Variants in CPEB1 observed in about 807,000 individuals in gnomAD.
CPEB1 encodes cytoplasmic polyadenylation element binding protein 1.
Under a neutral mutation model 65.8 loss-of-function variants are expected in CPEB1, and 7 were observed. The observed-to-expected ratio is 0.11, with a 90% CI of 0.06 to 0.20. The LOEUF is 0.20. Ranked by LOEUF, CPEB1 falls within the 10% of genes least tolerant of loss-of-function variation. The pLI, the probability that CPEB1 is intolerant of heterozygous loss-of-function variation, is 1.00. For synonymous variants in CPEB1, 262 were observed against 260.0 expected (o/e 1.01, Z -0.08); for missense variants, 551 against 712.2 (o/e 0.77, Z 2.58).
At chr15:82,581,736 A>G (rs944925932) in intron 3 of CPEB1, among the ~76,000 whole-genome samples, 67 of 152,168 alleles carry the variant, frequency 4.4e-4, no homozygotes, top group African/African-American at 1.5e-3. Context: ...TGAATCCCCA[A>G]TGTTTTTAAA....
intron 3 of CPEB1, among the ~76,000 whole-genome samples, chr15:82,609,513 AT>A (rs1294628548): frequency 2.0e-5 from 3 of 151,920 alleles, no homozygotes; most frequent in Admixed American, 2.0e-4. Flanking sequence ...AAAAAAAAAA[AT>A]AATAACAATA....
At chr15:82,544,766 G>T in intron 12 of CPEB1, 64 bp from the exon 13 acceptor site, 1 of 1,223,392 alleles carries the variant, frequency 8.2e-7, no homozygotes, top group Non-Finnish European at 1.2e-6. Context: ...AGGAGCTGTT[G>T]CACGAGCTGC....
chr15:82,581,668 A>G (rs959195117), intron 3 of CPEB1, among the ~76,000 whole-genome samples: 1 of 152,122 alleles, frequency 6.6e-6, no homozygotes, highest in African/African-American at 2.4e-5. Context: ...TGCGGTGTAC[A>G]TTTTTTTTAA....
intron 12 of CPEB1, 87 bp from the exon 13 acceptor site, chr15:82,544,789 G>C (rs112189776): frequency 0.018 from 17,985 of 1,011,392 alleles, 670 homozygotes; most frequent in African/African-American, 0.13. Context: ...GTTCTGTTTG[G>C]AGAAGGGTGG....
intron 10 of CPEB1, 24 bp downstream of exon 10, chr15:82,549,436 C>G: frequency 6.2e-7 from 1 of 1,613,814 alleles, no homozygotes; most frequent in Non-Finnish European, 8.5e-7. Context: ...ACCAAGCTTT[C>G]GCACACAGAA....
chr15:82,590,598 G>A (rs1008632537), intron 3 of CPEB1, among the ~76,000 whole-genome samples: 1 of 152,086 alleles, frequency 6.6e-6, no homozygotes, highest in Non-Finnish European at 1.5e-5. Context: ...TTATCACCCA[G>A]GTGTCAAGTC....
chr15:82,630,426 G>A (rs557055609), intron 1 of CPEB1, among the ~76,000 whole-genome samples: 115 of 152,212 alleles, frequency 7.6e-4, no homozygotes, highest in Non-Finnish European at 1.6e-3. Context: ...GCAACATGGC[G>A]AAACCCTGTT....
Position 82,549,491 on chromosome 15 carries a change from C to T in CPEB1, c.1449G>A (p.Gly483=). 1 of 1,614,184 alleles carries T rather than the reference C, an allele frequency of 6.2e-7. No homozygotes were observed. The highest frequency in any genetic ancestry group is 1.6e-4 in the Middle Eastern group (1 of 6,062). The change falls in exon 10 of 13, where the codon GGG becomes GGA. Residue 483 remains glycine (G), a synonymous_variant. Transcript: ENST00000684509. ...GATACTTGTGCTTATCTGTGTCAAT[C>T]CCGGCATACACCACTCCACCAAATA... is the stretch of plus-strand genomic sequence containing the variant. The part of the protein sequence containing the change: ...NDLFGGVVYA[G]IDTDKHKYPI...
intron 3 of CPEB1, among the ~76,000 whole-genome samples, chr15:82,591,321 G>A (rs1322024685): frequency 2.0e-5 from 3 of 152,188 alleles, no homozygotes; most frequent in Admixed American, 6.5e-5. Flanking sequence ...GAGTGCAGTG[G>A]CACAATCTCG....
intron 5 of CPEB1, among the ~76,000 whole-genome samples, chr15:82,557,205 G>A (rs2037363777): frequency 6.6e-6 from 1 of 152,136 alleles, no homozygotes; most frequent in Admixed American, 6.5e-5. Flanking sequence ...GATAAGGAAC[G>A]TGAAATGCAA....
intron 3 of CPEB1, among the ~76,000 whole-genome samples, chr15:82,622,045 CGTTACT>C (rs538969400): frequency 2.4e-4 from 37 of 152,162 alleles, no homozygotes; most frequent in Non-Finnish European, 4.6e-4. Context: ...TTACAGACAC[CGTTACT>C]AACAACTCAA....
At position 82,604,372 on chromosome 15, in the gene CPEB1, CTCAGGAGGCTGAT is replaced by C. The variant is rs60424545; in HGVS notation, c.271+22808_271+22820del. ...TAGTGGGCACCTGTAGTCCCAGCTA[CTCAGGAGGCTGAT>C]GCAGGAGAATGGTGAGAACCCAGGA... On this transcript the variant is annotated intron_variant, in intron 3 of 12. Coordinates refer to ENST00000684509, the MANE Select transcript of CPEB1 (RefSeq NM_001365242.1). Among the ~76,000 whole-genome samples, 572 of 151,964 alleles carry C rather than the reference CTCAGGAGGCTGAT, an allele frequency of 3.8e-3. 4 individuals are homozygous for C. Among genetic ancestry groups the C allele is most frequent in the African/African-American group, 0.013 (549 of 41,426 alleles).
At chr15:82,593,164 C>T (rs990895516) in intron 3 of CPEB1, among the ~76,000 whole-genome samples, 1 of 152,086 alleles carries the variant, frequency 6.6e-6, no homozygotes, top group Non-Finnish European at 1.5e-5. Flanking sequence ...TGATGTTTGC[C>T]GCATAGTTCG....
At position 82,553,888 on chromosome 15, in the gene CPEB1, A is replaced by G. The variant is rs1450942617; in HGVS notation, c.1044T>C (p.Asp348=). The G allele has an allele frequency of 6.2e-7, 1 of 1,606,614 alleles. No individual in the cohort carries two copies. Among genetic ancestry groups the G allele is most frequent in the Non-Finnish European group, 8.5e-7 (1 of 1,174,096 alleles). Reference sequence around the variant, plus strand: ...TTAGAGACAGCTCACCTTCTGTAATATCCCAAGGAACACCTCCTAGAAACA... The same window carrying G: ...TTAGAGACAGCTCACCTTCTGTAATGTCCCAAGGAACACCTCCTAGAAACA... ...CKVFLGGVPW[D]ITEAGLVNTF... Residue 348 remains aspartate, a synonymous_variant, in exon 7 of 13, where the codon GAT becomes GAC. Transcript: ENST00000684509.
At chr15:82,600,688 G>A (rs1567212594) in intron 3 of CPEB1, among the ~76,000 whole-genome samples, 1 of 152,028 alleles carries the variant, frequency 6.6e-6, no homozygotes, top group Non-Finnish European at 1.5e-5. Context: ...TAATCCCTAG[G>A]TGTAGCCACA....
chr15:82,607,045 T>A (rs1050910274), intron 3 of CPEB1, among the ~76,000 whole-genome samples: 17 of 151,842 alleles, frequency 1.1e-4, no homozygotes, highest in African/African-American at 4.1e-4. Context: ...ACAAGGAAAT[T>A]AAAATGTCAT....
intron 3 of CPEB1, among the ~76,000 whole-genome samples, chr15:82,583,092 A>G (rs1180960609): frequency 6.6e-6 from 1 of 152,050 alleles, no homozygotes; most frequent in African/African-American, 2.4e-5. Context: ...CAGAAAGTCA[A>G]TTTCACATTC....
chr15:82,632,168 G>A (rs532498228), intron 1 of CPEB1, among the ~76,000 whole-genome samples: 1 of 151,632 alleles, frequency 6.6e-6, no homozygotes, highest in Non-Finnish European at 1.5e-5. Flanking sequence ...ATTTTTAGTA[G>A]AGATGGGGTT....
intron 3 of CPEB1, among the ~76,000 whole-genome samples, chr15:82,577,172 G>A (rs1002753920): frequency 9.2e-5 from 14 of 152,298 alleles, no homozygotes; most frequent in African/African-American, 3.1e-4. Context: ...TGGCAAAGGT[G>A]TGTTTTGTTT....
Sources: allele counts gnomAD v4.1 joint callset (sites outside exome capture counted in the v4.1 genomes callset), GRCh38; gene constraint gnomAD v4.1.1; transcripts MANE v1.5; gene names NCBI Gene and HGNC (gene_info 2026-07-23, HGNC 2026-07-21).